PBX1: variants seen among roughly 807,000 people sequenced by gnomAD.
PBX1 encodes pre-B-cell leukemia transcription factor 1.
Under a neutral mutation model 53.4 loss-of-function variants are expected in PBX1, and 6 were observed. The observed-to-expected ratio is 0.11, with a 90% CI of 0.06 to 0.22. PBX1 has a LOEUF of 0.22. Ranked by LOEUF, PBX1 falls within the 10% of genes least tolerant of loss-of-function variation. PBX1 has a pLI of 1.00. For missense variants in PBX1, 251 were observed against 551.4 expected (o/e 0.46, Z 5.46); for synonymous variants, 204 against 212.3 (o/e 0.96, Z 0.34).
rs773961576 is a variant in PBX1, at chr1:164,844,115, CTTTTT to C, written c.1201-2456_1201-2452del. On this transcript the variant is annotated intron_variant, in intron 8 of 8. Coordinates refer to ENST00000420696, the MANE Select transcript of PBX1 (RefSeq NM_002585.4). ...GCCTTTTTTCTTTCTTTCTTTCTTT[CTTTTT>C]TTTTTTTTTTTTACCAGAATTTTAC... is the stretch of plus-strand genomic sequence containing the variant. Among the ~76,000 whole-genome samples the C allele has an allele frequency of 8.5e-3, 517 of 61,096 alleles. 5 individuals carry two copies. The highest frequency in any genetic ancestry group is 0.037 in the African/African-American group (474 of 12,790). 40.1% of individuals were successfully genotyped at this position (61,096 alleles called of 152,430 possible). A position where few individuals can be genotyped will look rare whatever the true frequency, so the allele number is the denominator to read the frequency against.
At chr1:164,652,101 A>G (rs1375956698) in intron 2 of PBX1, 1 of 151,828 alleles carries the variant, frequency 6.6e-6, no homozygotes, top group Non-Finnish European at 1.5e-5. Context: ...CTCTGTCACC[A>G]GGCTGGAGTG....
Position 164,741,739 on chromosome 1 carries a change from A to AGTGTGTGTGTGTGTGTGT in PBX1, c.266-50736_266-50719dup, listed in dbSNP as rs57771496. On this transcript the variant is annotated intron_variant, in intron 2 of 8. Transcript: ENST00000420696. ...AGGTTGGAGTGAGCATGTATGAGTGAGTGTGTGTGTGTGTGTGTGTGTGTG... is the reference window on the plus strand; with the variant it reads ...AGGTTGGAGTGAGCATGTATGAGTGAGTGTGTGTGTGTGTGTGTGTGTGTGTGTGTGTGTGTGTGTGTG... Among the ~76,000 whole-genome samples the AGTGTGTGTGTGTGTGTGT allele has an allele frequency of 3.9e-4, 55 of 140,812 alleles. 1 individual carries two copies. Among genetic ancestry groups the AGTGTGTGTGTGTGTGTGT allele is most frequent in the South Asian group, 9.7e-4 (4 of 4,138 alleles). 92.4% of individuals were successfully genotyped at this position (140,812 alleles called of 152,430 possible). A position where few individuals can be genotyped will look rare whatever the true frequency, so the allele number is the denominator to read the frequency against.
At position 164,723,239 on chromosome 1, in the gene PBX1, C is replaced by T. The variant is rs1435533882; in HGVS notation, c.266-69255C>T. ...TACTAAAACCCAATCCCTTTCCTGGCACCAGACTACTGCTTCTTAAACCAA... is the reference window on the plus strand; with the variant it reads ...TACTAAAACCCAATCCCTTTCCTGGTACCAGACTACTGCTTCTTAAACCAA... On this transcript the variant is annotated intron_variant, in intron 2 of 8. Transcript: ENST00000420696. Among the ~76,000 whole-genome samples the T allele has an allele frequency of 3.9e-5, 6 of 152,292 alleles. No individual in the cohort carries two copies. The East Asian group carries it at 9.6e-4, about 24-fold the overall frequency.
intron 2 of PBX1, among the ~76,000 whole-genome samples, chr1:164,717,736 C>T (rs1292661004): frequency 5.9e-5 from 9 of 152,052 alleles, no homozygotes; most frequent in African/African-American, 1.7e-4. Flanking sequence ...TGGCTGAAGG[C>T]GTCAGAGGTA....
At position 164,618,307 on chromosome 1, in the gene PBX1, G is replaced by A. The variant is rs936491553; in HGVS notation, c.265+54996G>A. Among the ~76,000 whole-genome samples, 103 of 146,856 alleles carry A rather than the reference G, an allele frequency of 7.0e-4. 4 individuals carry two copies. Among genetic ancestry groups the A allele is most frequent in the Admixed American group, 4.7e-3 (70 of 14,750 alleles). On this transcript the variant is annotated intron_variant, in intron 2 of 8. Transcript: ENST00000420696. Reference sequence around the variant, plus strand: ...GGAGAATAATCACGGCGGGGGGGGGGGGGCACTCAAGATGATCAGCACTAG... The same window carrying A: ...GGAGAATAATCACGGCGGGGGGGGGAGGGCACTCAAGATGATCAGCACTAG...
rs112092451 is a variant in PBX1, at chr1:164,777,011, G to C, written c.266-15483G>C. Among the ~76,000 whole-genome samples, 651 of 148,190 alleles carry C rather than the reference G, an allele frequency of 4.4e-3. 19 individuals carry two copies. The highest frequency in any genetic ancestry group is 0.016 in the African/African-American group (621 of 39,042). ...TGGGGGGGCGGGGGGCTGCCATCCA[G>C]AAGATGGAGGTACAAGTAATGGAAG... is the stretch of plus-strand genomic sequence containing the variant. On this transcript the variant is annotated intron_variant, in intron 2 of 8. Transcript: ENST00000420696.
intron 2 of PBX1, among the ~76,000 whole-genome samples, chr1:164,871,867 G>GGA (rs771457169): frequency 6.6e-6 from 1 of 151,952 alleles, no homozygotes; most frequent in African/African-American, 2.4e-5. Context: ...CATAGCACAT[G>GGA]TTTAAACAAA....
intron 5 of PBX1, among the ~76,000 whole-genome samples, chr1:164,809,460 A>G (rs1669504261): frequency 6.6e-6 from 1 of 152,156 alleles, no homozygotes; most frequent in Non-Finnish European, 1.5e-5. Context: ...AAACAAGTCC[A>G]ATGGAAGACA....
At chr1:164,620,958 C>T (rs951238866) in intron 2 of PBX1, among the ~76,000 whole-genome samples, 1 of 151,852 alleles carries the variant, frequency 6.6e-6, no homozygotes, top group Non-Finnish European at 1.5e-5. Context: ...GCTGGGGTTA[C>T]AGGCGTGAGC....
intron 2 of PBX1, among the ~76,000 whole-genome samples, chr1:164,598,522 G>A (rs1220174578): frequency 6.6e-6 from 1 of 152,178 alleles, no homozygotes; most frequent in African/African-American, 2.4e-5. Flanking sequence ...CATCAGTTGA[G>A]CTGAACTAGT....
intron 2 of PBX1, among the ~76,000 whole-genome samples, chr1:164,870,305 CTTTCTTTCTTTCTTTCT>C: frequency 1.5e-5 from 1 of 66,790 alleles, no homozygotes; most frequent in Admixed American, 1.7e-4. Flanking sequence ...TTCTTTCTTT[CTTTCTTTCTTTCTTTCT>C]TTCTTTCTTT....
intron 2 of PBX1, among the ~76,000 whole-genome samples, chr1:164,598,294 T>A (rs1208993512): frequency 1.3e-5 from 2 of 152,210 alleles, no homozygotes; most frequent in Non-Finnish European, 1.5e-5. Context: ...TTTTTTTCTT[T>A]TCTCTCTTTC....
At chr1:164,630,164 G>T (rs1043109654) in intron 2 of PBX1, among the ~76,000 whole-genome samples, 4 of 152,150 alleles carry the variant, frequency 2.6e-5, no homozygotes, top group Non-Finnish European at 5.9e-5. Flanking sequence ...TGACGTTGTG[G>T]TTTTCACTGG....
intron 2 of PBX1, among the ~76,000 whole-genome samples, chr1:164,677,362 G>T (rs1219008697): frequency 2.0e-5 from 3 of 151,832 alleles, no homozygotes; most frequent in Admixed American, 6.6e-5. Flanking sequence ...AAAGTGCTGG[G>T]ATTACAGGCG....
At chr1:164,670,919 G>A (rs907442557) in intron 2 of PBX1, among the ~76,000 whole-genome samples, 2 of 152,176 alleles carry the variant, frequency 1.3e-5, no homozygotes, top group Non-Finnish European at 2.9e-5. Context: ...TAATGCAAAT[G>A]GAGAAAATGC....
intron 2 of PBX1, chr1:164,590,578 A>G (rs1655305023): frequency 4.7e-6 from 2 of 427,460 alleles, no homozygotes; most frequent in Non-Finnish European, 4.7e-6. Flanking sequence ...CAGGAGATCT[A>G]TTGCCTTTTC....
At chr1:164,649,603 A>T (rs1055468400) in intron 2 of PBX1, among the ~76,000 whole-genome samples, 12 of 152,318 alleles carry the variant, frequency 7.9e-5, no homozygotes, top group African/African-American at 2.9e-4. Flanking sequence ...ATTGTGTCCC[A>T]TGAATTCAAG....
intron 2 of PBX1, among the ~76,000 whole-genome samples, chr1:164,738,743 A>G (rs1665430170): frequency 6.6e-6 from 1 of 152,210 alleles, no homozygotes; most frequent in Non-Finnish European, 1.5e-5. Flanking sequence ...CTTCCTGTGC[A>G]CTATAAAGCT....
intron 2 of PBX1, among the ~76,000 whole-genome samples, chr1:164,752,922 T>C (rs1410906490): frequency 6.6e-6 from 1 of 152,230 alleles, no homozygotes; most frequent in Non-Finnish European, 1.5e-5. Context: ...ATAAGCTGCC[T>C]TTGGTGGGGA....
Sources: allele counts gnomAD v4.1 joint callset (sites outside exome capture counted in the v4.1 genomes callset), GRCh38; gene constraint gnomAD v4.1.1; transcripts MANE v1.5; gene names NCBI Gene and HGNC (gene_info 2026-07-23, HGNC 2026-07-21).